METTL24: variants seen among roughly 807,000 people sequenced by gnomAD.
The protein encoded by METTL24 is probable methyltransferase-like protein 24.
A neutral mutation model predicts 32.7 loss-of-function variants in METTL24; 29 were observed. The ratio of observed to expected loss-of-function variants is 0.89; its 90% CI spans 0.66 to 1.21. METTL24 has a LOEUF of 1.21. Ranked by LOEUF, METTL24 falls within the 50% of genes most tolerant of loss-of-function variation. The pLI is 0.00. For synonymous variants in METTL24, 163 were observed against 179.5 expected, an observed-to-expected ratio of 0.91 and a Z score of 0.73; for missense variants, 439 against 468.1, an observed-to-expected ratio of 0.94 and a Z score of 0.57.
rs1332297512 is a variant in METTL24 at position 110,299,098 on chromosome 6, C to G, written c.610G>C (p.Glu204Gln). The G allele has an allele frequency of 1.2e-5, 19 of 1,614,046 alleles. No individual in the cohort carries two copies. Among genetic ancestry groups the G allele is most frequent in the Non-Finnish European group, 1.6e-5 (19 of 1,180,024 alleles). ...FEVSMANNGC[E>Q]VHRFDPSVKS... ...ACACTAGGATCAAAACGATGCACTT[C>G]ACATCCGTTGTTGGCCATGCTAACC... The change falls in exon 4 of 5, where the codon GAA becomes CAA. Residue 204 changes from glutamate (E) to glutamine (Q), a missense_variant. Transcript: ENST00000338882.
intron 1 of METTL24, among the ~76,000 whole-genome samples, chr6:110,335,472 A>T (rs1351237878): frequency 1.1e-4 from 17 of 152,188 alleles, no homozygotes; most frequent in Non-Finnish European, 1.5e-5. Context: ...CCATAAGTAA[A>T]AACTTACAAT....
At chr6:110,287,141 T>C (rs914234531) in intron 4 of METTL24, among the ~76,000 whole-genome samples, 1 of 152,212 alleles carries the variant, frequency 6.6e-6, no homozygotes, top group Non-Finnish European at 1.5e-5. Context: ...AAACACTGAA[T>C]GGTTTGAAAA....
At chr6:110,271,319 A>C (rs1770954682) in intron 4 of METTL24, among the ~76,000 whole-genome samples, 1 of 150,670 alleles carries the variant, frequency 6.6e-6, no homozygotes, top group Non-Finnish European at 1.5e-5. Context: ...TTTTTGAGAT[A>C]GGGTCTCGCT....
chr6:110,269,493 C>A (rs566917372), intron 4 of METTL24, among the ~76,000 whole-genome samples: 8 of 152,210 alleles, frequency 5.3e-5, no homozygotes, highest in African/African-American at 1.9e-4. Context: ...TAGGCTGTCC[C>A]GAGACTTTTT....
intron 4 of METTL24, among the ~76,000 whole-genome samples, chr6:110,291,217 A>T (rs999831804): frequency 2.6e-5 from 4 of 152,118 alleles, no homozygotes; most frequent in African/African-American, 9.7e-5. Context: ...ATCTTTTTAA[A>T]ATTTTTTTAT....
intron 4 of METTL24, among the ~76,000 whole-genome samples, chr6:110,253,157 G>A (rs887691048): frequency 1.3e-5 from 2 of 152,166 alleles, no homozygotes; most frequent in African/African-American, 4.8e-5. Flanking sequence ...CTGCCCCGAG[G>A]CGGTACTGCT....
At position 110,244,992 on chromosome 6, in the gene METTL24, A is replaced by ATCTATCTATCTATCTG. The variant is rs1276979963; in HGVS notation, c.*953_*954insCAGATAGATAGATAGA. ...ATCTTATCTATCTATCTATCTATCT[A>ATCTATCTATCTATCTG]TCTATCTATCATCTATCTATTTATC... On this transcript the variant is annotated 3_prime_UTR_variant, in exon 5 of 5. Transcript: ENST00000338882. Among the ~76,000 whole-genome samples, 1 of 151,914 alleles carries ATCTATCTATCTATCTG rather than the reference A, an allele frequency of 6.6e-6. No individual in the cohort carries two copies. Among genetic ancestry groups the ATCTATCTATCTATCTG allele is most frequent in the African/African-American group, 2.4e-5 (1 of 41,332 alleles).
At chr6:110,285,786 C>G (rs1473869291) in intron 4 of METTL24, among the ~76,000 whole-genome samples, 4 of 152,198 alleles carry the variant, frequency 2.6e-5, no homozygotes, top group Non-Finnish European at 5.9e-5. Context: ...GGGCTTACAG[C>G]CCTCTGCTCC....
Position 110,358,200 on chromosome 6 carries a change from A to G in METTL24, c.73T>C (p.Phe25Leu), listed in dbSNP as rs2114786436. Residue 25 changes from phenylalanine (F) to leucine (L), a missense_variant, in exon 1 of 5, where the codon TTC becomes CTC. Transcript: ENST00000338882. Reference protein sequence around the residue: ...RRCLLGAVLLFGLRLCAELRR... With the variant: ...RRCLLGAVLLLGLRLCAELRR... ...AGCTCTGCGCAGAGCCGCAGGCCGA[A>G]CAACAGCACAGCCCCGAGTAGACAC... The G allele has an allele frequency of 4.1e-6, 6 of 1,461,744 alleles. No homozygotes were observed. The highest frequency in any genetic ancestry group is 5.4e-6 in the Non-Finnish European group (6 of 1,113,498). The allele number at this position is 1,461,744 out of a possible 1,614,324, so 90.5% of individuals were successfully genotyped here.
chr6:110,247,516 CTT>C (rs1454163996), intron 4 of METTL24, among the ~76,000 whole-genome samples: 6 of 152,304 alleles, frequency 3.9e-5, no homozygotes, highest in Admixed American at 6.5e-5. Context: ...AATATTGCCA[CTT>C]TACATTTGCA....
rs1170885388 is a variant in METTL24, at chr6:110,358,051, G to A, written c.222C>T (p.Thr74=). 4.6e-6 allele frequency: 5 copies of A among 1,088,004 alleles called. No individual in the cohort carries two copies. Among genetic ancestry groups the A allele is most frequent in the African/African-American group, 3.4e-5 (2 of 59,536 alleles). The allele number at this position is 1,088,004 out of a possible 1,614,324, so 67.4% of individuals were successfully genotyped here. Reference sequence around the variant, plus strand: ...GCGCCCGGCGACCGCTGCGCACGTAGGTCACCTGCCTCCTGCTGGCGCCGC... The same window carrying A: ...GCGCCCGGCGACCGCTGCGCACGTAAGTCACCTGCCTCCTGCTGGCGCCGC... ...QPRGASRRQV[T]YVRSGRRAPP... The change falls in exon 1 of 5, where the codon ACC becomes ACT. Residue 74 remains threonine (T), a synonymous_variant. Coordinates refer to ENST00000338882, the MANE Select transcript of METTL24 (RefSeq NM_001123364.3).
chr6:110,286,058 A>G lies in METTL24; in HGVS notation c.786+12864T>C, dbSNP rs150461266. Among the ~76,000 whole-genome samples, 1,039 of 152,162 alleles carry G rather than the reference A, an allele frequency of 6.8e-3. 9 individuals are homozygous for G. The highest frequency in any genetic ancestry group is 0.024 in the African/African-American group (987 of 41,514). On this transcript the variant is annotated intron_variant, in intron 4 of 4. Coordinates refer to ENST00000338882, the MANE Select transcript of METTL24 (RefSeq NM_001123364.3). ...TTCCTTGCTCCTTTCTCTCACTAAC[A>G]CGTGCTCGTTTGCTTCCACAACATT...
At position 110,311,384 on chromosome 6, in the gene METTL24, C is replaced by T. The variant is rs527992532; in HGVS notation, c.557+3958G>A. Among the ~76,000 whole-genome samples the T allele has an allele frequency of 2.0e-5, 3 of 151,454 alleles. No individual in the cohort carries two copies. In the East Asian group the frequency reaches 5.8e-4, roughly 29 times the overall value. On this transcript the variant is annotated intron_variant, in intron 3 of 4. Coordinates refer to ENST00000338882, the MANE Select transcript of METTL24 (RefSeq NM_001123364.3). ...TCATGTTTTTAGTCAAATATTGGCC[C>T]TTGTAATCTATTCATTGCTTTTCCC...
At chr6:110,306,499 C>A (rs1771630420) in intron 3 of METTL24, among the ~76,000 whole-genome samples, 1 of 151,790 alleles carries the variant, frequency 6.6e-6, no homozygotes, top group Non-Finnish European at 1.5e-5. Flanking sequence ...CACACACATA[C>A]ACATATAAGT....
intron 4 of METTL24, among the ~76,000 whole-genome samples, chr6:110,249,071 A>C (rs536159063): frequency 6.6e-6 from 1 of 152,102 alleles, no homozygotes; most frequent in Non-Finnish European, 1.5e-5. Flanking sequence ...GCTTATGTTG[A>C]ATGTGAGGAA....
intron 4 of METTL24, among the ~76,000 whole-genome samples, chr6:110,287,700 A>G (rs920150879): frequency 1.3e-5 from 2 of 152,166 alleles, no homozygotes; most frequent in African/African-American, 4.8e-5. Context: ...AGGTATTCAA[A>G]TTTTCATGCC....
Position 110,358,279 on chromosome 6 carries a change from A to G in METTL24, c.-7T>C. The G allele has an allele frequency of 6.9e-7, 1 of 1,453,386 alleles. No individual in the cohort carries two copies. The highest frequency in any genetic ancestry group is 9.0e-7 in the Non-Finnish European group (1 of 1,109,988). The allele number at this position is 1,453,386 out of a possible 1,614,324, so 90.0% of individuals were successfully genotyped here. On this transcript the variant is annotated 5_prime_UTR_variant, in exon 1 of 5. Transcript: ENST00000338882. ...GCGGCCTCTCCCGGGCCATGGCGCT[A>G]CACTCGGGGTCCCGCGGGCCGCGCC...
chr6:110,346,649 C>T (rs2114776399), intron 1 of METTL24, among the ~76,000 whole-genome samples: 1 of 152,226 alleles, frequency 6.6e-6, no homozygotes, highest in East Asian at 1.9e-4. Flanking sequence ...GGATTACAGG[C>T]ATGTGCCATC....
At chr6:110,280,125 A>G (rs1211670985) in intron 4 of METTL24, among the ~76,000 whole-genome samples, 2 of 152,172 alleles carry the variant, frequency 1.3e-5, no homozygotes, top group East Asian at 3.8e-4. Context: ...ACCCGCCCAC[A>G]TGAGCCAATT....
Sources: allele counts gnomAD v4.1 joint callset (sites outside exome capture counted in the v4.1 genomes callset), GRCh38; gene constraint gnomAD v4.1.1; transcripts MANE v1.5; gene names NCBI Gene and HGNC (gene_info 2026-07-23, HGNC 2026-07-21).